The following NEDD4L variants were observed in gnomAD, a reference collection of about 807,000 sequenced individuals.
NEDD4L encodes the protein NEDD4 like E3 ubiquitin protein ligase.
Under a neutral mutation model 148.9 loss-of-function variants are expected in NEDD4L, and 54 were observed. The ratio of observed to expected loss-of-function variants is 0.36; its 90% CI spans 0.29 to 0.45. The LOEUF is 0.45. Among genes scored for constraint, NEDD4L ranks in the 20% least tolerant of loss-of-function variants. NEDD4L has a pLI of 1.00. For synonymous variants in NEDD4L, 433 were observed against 440.7 expected, an observed-to-expected ratio of 0.98 and a Z score of 0.22; for missense variants, 856 against 1,233.8, an observed-to-expected ratio of 0.69 and a Z score of 4.59.
intron 2 of NEDD4L, among the ~76,000 whole-genome samples, chr18:58,194,826 CG>C (rs879533563): frequency 6.6e-5 from 10 of 152,208 alleles, no homozygotes; most frequent in Middle Eastern, 3.4e-3. Flanking sequence ...TTTAGAGCCA[CG>C]GGGAACTGTG....
In NEDD4L at chr18:58,044,610, C is replaced by G. The variant is rs529534919; in HGVS notation, c.-51C>G. On this transcript the variant is annotated 5_prime_UTR_variant, in exon 1 of 31. Coordinates refer to ENST00000400345, the MANE Select transcript of NEDD4L (RefSeq NM_001144967.3). ...AGAGGGGAGAACCGGCCGTCCGCGC[C>G]GCAGCACAGCCGCTGGGAGCGCCTC... 6.4e-7 allele frequency: 1 copy of G among 1,553,144 alleles called. No homozygotes were observed.
chr18:58,324,959 C>A, intron 8 of NEDD4L, 37 bp from the exon 9 acceptor site: 1 of 1,586,454 alleles, frequency 6.3e-7, no homozygotes, highest in Non-Finnish European at 8.6e-7. Context: ...AGCCGAAGAA[C>A]CAACCTCATA....
At chr18:58,087,774 T>C (rs1443391161) in intron 1 of NEDD4L, among the ~76,000 whole-genome samples, 2 of 152,198 alleles carry the variant, frequency 1.3e-5, no homozygotes, top group Non-Finnish European at 2.9e-5. Context: ...CTCGGGAGGC[T>C]GAGGCAGGAG....
intron 1 of NEDD4L, among the ~76,000 whole-genome samples, chr18:58,064,578 A>G (rs936844020): frequency 2.6e-5 from 4 of 152,054 alleles, no homozygotes; most frequent in Non-Finnish European, 4.4e-5. Flanking sequence ...CTCTTGTACT[A>G]TGTACTAGAG....
chr18:58,150,717 A>G (rs1455722432), intron 1 of NEDD4L, among the ~76,000 whole-genome samples: 1 of 152,224 alleles, frequency 6.6e-6, no homozygotes, highest in Non-Finnish European at 1.5e-5. Flanking sequence ...GGTGCTATGC[A>G]TTCCATCAGG....
intron 30 of NEDD4L, among the ~76,000 whole-genome samples, chr18:58,393,833 G>A (rs533132314): frequency 4.4e-4 from 67 of 152,210 alleles, no homozygotes; most frequent in Non-Finnish European, 7.5e-4. Flanking sequence ...AGAAGCTGAA[G>A]GATCTGGTTC....
chr18:58,201,550 A>G (rs1351762294), intron 2 of NEDD4L, among the ~76,000 whole-genome samples: 2 of 152,228 alleles, frequency 1.3e-5, no homozygotes, highest in Non-Finnish European at 2.9e-5. Context: ...CAGGGATGAC[A>G]ATAGAAACAG....
chr18:58,393,944 C>G (rs1182292658), intron 30 of NEDD4L, among the ~76,000 whole-genome samples: 1 of 152,196 alleles, frequency 6.6e-6, no homozygotes, highest in East Asian at 1.9e-4. Context: ...GGTCACTACT[C>G]AGACATTTAA....
intron 5 of NEDD4L, among the ~76,000 whole-genome samples, chr18:58,306,784 C>T (rs1210250788): frequency 6.6e-6 from 1 of 152,262 alleles, no homozygotes; most frequent in African/African-American, 2.4e-5. Flanking sequence ...CGCCACCACG[C>T]CCGGCTAATT....
In NEDD4L at chr18:58,159,121, G is replaced by T. The variant is rs78067936; in HGVS notation, c.49-6667G>T. On this transcript the variant is annotated intron_variant, in intron 1 of 30. Transcript: ENST00000400345. ...AGAGAGGGAAAGGTGTAGCGGGAAG[G>T]CGTTGGTGTGGGGAGGGAGAAAGTC... Among the ~76,000 whole-genome samples, 1,326 of 152,192 alleles carry T rather than the reference G, an allele frequency of 8.7e-3. 14 individuals are homozygous for T. The highest frequency in any genetic ancestry group is 0.03 in the African/African-American group (1,256 of 41,504).
At position 58,347,143 on chromosome 18, in the gene NEDD4L, T is replaced by A. The variant is rs567982712; in HGVS notation, c.1576-2394T>A. 7.3e-5 allele frequency among the ~76,000 whole-genome samples: 11 copies of A among 151,336 alleles called. No individual in the cohort carries two copies. In the South Asian group the frequency reaches 2.1e-3, roughly 29 times the overall value. ...GAAATTCGGTTGACTTTATACTTCA[T>A]GCTCTGCCCCTCACTGCCTCCCTGA... is the stretch of plus-strand genomic sequence containing the variant. On this transcript the variant is annotated intron_variant, in intron 16 of 30. Coordinates refer to ENST00000400345, the MANE Select transcript of NEDD4L (RefSeq NM_001144967.3).
intron 5 of NEDD4L, among the ~76,000 whole-genome samples, chr18:58,283,986 C>T (rs1449760905): frequency 1.3e-5 from 2 of 152,190 alleles, no homozygotes; most frequent in Non-Finnish European, 2.9e-5. Flanking sequence ...GGTGATGCTT[C>T]TACAAGGCAG....
intron 16 of NEDD4L, among the ~76,000 whole-genome samples, chr18:58,343,853 T>TTTTAAAAG (rs1287400863): frequency 1.0e-4 from 16 of 152,384 alleles, no homozygotes; most frequent in African/African-American, 3.8e-4. Context: ...TATATGATTC[T>TTTTAAAAG]TTTAAAAGTC....
At chr18:58,049,529 C>T (rs576271757) in intron 1 of NEDD4L, among the ~76,000 whole-genome samples, 1 of 152,262 alleles carries the variant, frequency 6.6e-6, no homozygotes, top group Admixed American at 6.5e-5. Context: ...ATGCCAAGTC[C>T]AAGTGCCTGT....
intron 16 of NEDD4L, 101 bp from the exon 17 acceptor site, chr18:58,349,436 C>T: frequency 1.1e-6 from 1 of 882,054 alleles, no homozygotes. Flanking sequence ...GCATGGACAG[C>T]CTGGTTGCCT....
intron 2 of NEDD4L, among the ~76,000 whole-genome samples, chr18:58,243,440 C>A (rs2148380502): frequency 6.6e-6 from 1 of 152,282 alleles, no homozygotes; most frequent in South Asian, 2.1e-4. Flanking sequence ...GAGTGTGGTT[C>A]CTGGATCAGG....
intron 3 of NEDD4L, among the ~76,000 whole-genome samples, chr18:58,246,584 C>T (rs888588783): frequency 2.0e-5 from 3 of 152,162 alleles, no homozygotes; most frequent in Non-Finnish European, 4.4e-5. Flanking sequence ...CCTGCCTCAG[C>T]TTCCTGAGTA....
intron 1 of NEDD4L, among the ~76,000 whole-genome samples, chr18:58,055,848 A>T (rs1598959341): frequency 2.0e-5 from 3 of 152,122 alleles, no homozygotes; most frequent in African/African-American, 7.2e-5. Context: ...GTTCTCTGAA[A>T]TTTTTTGTGT....
intron 5 of NEDD4L, among the ~76,000 whole-genome samples, chr18:58,297,245 T>A (rs2055752442): frequency 6.6e-6 from 1 of 152,104 alleles, no homozygotes; most frequent in Admixed American, 6.5e-5. Flanking sequence ...CCTAATAAAT[T>A]TTGTGGGCCA....
Sources: gnomAD v4.1 joint callset for allele counts (sites outside exome capture counted in the v4.1 genomes callset) on GRCh38, gnomAD v4.1.1 for gene constraint, MANE v1.5 for transcripts, NCBI Gene and HGNC (gene_info 2026-07-23, HGNC 2026-07-21) for gene names.